Variants in ZNF324B observed in about 807,000 individuals in gnomAD.
The protein encoded by ZNF324B is zinc finger protein 324B.
Under a neutral mutation model 10.6 loss-of-function variants are expected in ZNF324B, and 7 were observed. The ratio of observed to expected loss-of-function variants is 0.66; its 90% confidence interval spans 0.38 to 1.24. ZNF324B has a LOEUF of 1.24. ZNF324B is among the 50% of genes most tolerant of loss of function. The pLI is 0.02. For missense variants in ZNF324B, 640 were observed against 764.7 expected (o/e 0.84, Z 1.92); for synonymous variants, 316 against 321.0 (o/e 0.98, Z 0.17).
At chr19:58,431,213 G>C in the ZNF324B span, 2 of 152,236 alleles carry the variant, frequency 1.3e-5, no homozygotes, top group African/African-American at 4.8e-5. Context: ...GGAGTACACT[G>C]CCTAACGTTC....
chr19:58,452,938 A>G (rs2052875117), intron 1 of ZNF324B, among the ~76,000 whole-genome samples: 1 of 151,882 alleles, frequency 6.6e-6, no homozygotes, highest in Non-Finnish European at 1.5e-5. Flanking sequence ...CTCTACTAAA[A>G]ATCCAAAAAA....
At chr19:58,442,651 T>A in the ZNF324B span, 1 of 150,586 alleles carries the variant, frequency 6.6e-6, no homozygotes, top group Admixed American at 6.6e-5. Flanking sequence ...TGTTCATTCC[T>A]CCTGGTGGGT....
At chr19:58,453,298 G>A in intron 1 of ZNF324B, 1 of 268,816 alleles carries the variant, frequency 3.7e-6, no homozygotes, top group South Asian at 3.8e-5. Context: ...CTCAGTGATG[G>A]GCATGCCTGG....
chr19:58,422,517 C>G, the ZNF324B span, among the ~76,000 whole-genome samples: 1 of 151,878 alleles, frequency 6.6e-6, no homozygotes, highest in Admixed American at 6.6e-5. Context: ...TAGACCCCAC[C>G]AAAAAAACTC....
chr19:58,429,764 G>GT, the ZNF324B span: 2 of 152,200 alleles, frequency 1.3e-5, no homozygotes, highest in African/African-American at 4.8e-5. Flanking sequence ...GAAAATGAAG[G>GT]TACTCAAAGC....
the ZNF324B span, chr19:58,433,673 T>C: frequency 1.2e-6 from 2 of 1,614,182 alleles, no homozygotes; most frequent in Non-Finnish European, 8.5e-7. Context: ...GTATGAACTT[T>C]CTGATGCTTA....
Position 58,454,293 on chromosome 19 carries a change from A to T in ZNF324B, c.187A>T (p.Ser63Cys), listed in dbSNP as rs12611254. 1 of 1,614,008 alleles carries T rather than the reference A, an allele frequency of 6.2e-7. No homozygotes were observed. Among genetic ancestry groups the T allele is most frequent in the African/African-American group, 1.3e-5 (1 of 74,904 alleles). Reference sequence around the variant, plus strand: ...GCGTGGCGAGGAGCCCTGGGTTCCCAGTGGAAAGGACATGACCCTGGCCAG... The same window carrying T: ...GCGTGGCGAGGAGCCCTGGGTTCCCTGTGGAAAGGACATGACCCTGGCCAG... ...LERGEEPWVPSGKDMTLARNT... is the reference protein window; with the variant it reads ...LERGEEPWVPCGKDMTLARNT... Residue 63 changes from serine (S) to cysteine (C), a missense_variant, in exon 3 of 4, where the codon AGT becomes TGT. Ser to Cys is a moderately radical substitution (Grantham distance 112). Transcript: ENST00000336614.
chr19:58,448,165 G>A (rs2052836035), upstream of ZNF324B, among the ~76,000 whole-genome samples: 1 of 152,220 alleles, frequency 6.6e-6, no homozygotes, highest in African/African-American at 2.4e-5. Flanking sequence ...TGGGTAACAG[G>A]CAGAGGTTGG....
chr19:58,418,695 GAAC>G, the ZNF324B span: 1 of 152,098 alleles, frequency 6.6e-6, no homozygotes. Context: ...TTGCAGACTT[GAAC>G]TACTGGACTC....
the ZNF324B span, chr19:58,440,139 A>C: frequency 2.5e-6 from 1 of 394,500 alleles, no homozygotes; most frequent in South Asian, 3.1e-5. Context: ...CCAGCAGCAA[A>C]ATGAGGACCG....
the ZNF324B span, among the ~76,000 whole-genome samples, chr19:58,421,045 T>C: frequency 6.0e-5 from 9 of 150,844 alleles, no homozygotes; most frequent in South Asian, 1.7e-3. Flanking sequence ...CTAAATGTTA[T>C]TCAGAATGGG....
the ZNF324B span, among the ~76,000 whole-genome samples, chr19:58,427,432 T>C: frequency 2.9e-5 from 1 of 33,928 alleles, no homozygotes; most frequent in African/African-American, 1.5e-4. Flanking sequence ...CCTTCCTTCC[T>C]TCCTTCCTTC....
chr19:58,434,737 A>C, the ZNF324B span: 1 of 1,614,182 alleles, frequency 6.2e-7, no homozygotes, highest in Non-Finnish European at 8.5e-7. Context: ...GCTGCACTCG[A>C]AGAGTTTCTG....
At chr19:58,424,184 G>C in the ZNF324B span, among the ~76,000 whole-genome samples, 1 of 152,106 alleles carries the variant, frequency 6.6e-6, no homozygotes, top group African/African-American at 2.4e-5. Flanking sequence ...AGGAGGCGGA[G>C]GTTGCAGTGA....
chr19:58,440,362 G>A, the ZNF324B span: 1 of 156,376 alleles, frequency 6.4e-6, no homozygotes, highest in Non-Finnish European at 1.4e-5. Flanking sequence ...GGACCCTCGC[G>A]GTGCCTCAGG....
At chr19:58,419,615 T>C in the ZNF324B span, among the ~76,000 whole-genome samples, 1 of 152,214 alleles carries the variant, frequency 6.6e-6, no homozygotes. Flanking sequence ...CTCTCTGGGC[T>C]GTTCACCTCT....
chr19:58,433,120 A>C, the ZNF324B span: 16 of 605,978 alleles, frequency 2.6e-5, no homozygotes, highest in Non-Finnish European at 2.8e-5. Context: ...GCAAGATGGA[A>C]AGTGACTATG....
At chr19:58,454,847 G>A in intron 3 of ZNF324B, 1 of 533,352 alleles carries the variant, frequency 1.9e-6, no homozygotes, top group Non-Finnish European at 3.4e-6. Flanking sequence ...CGGGGCACCA[G>A]GGGAGAAGGG....
chr19:58,428,222 C>T, the ZNF324B span, among the ~76,000 whole-genome samples: 1 of 152,236 alleles, frequency 6.6e-6, no homozygotes, highest in Non-Finnish European at 1.5e-5. Context: ...CAAAGATTCT[C>T]ATGTCAGAGG....
Sources: allele counts gnomAD v4.1 joint callset (sites outside exome capture counted in the v4.1 genomes callset), GRCh38; gene constraint gnomAD v4.1.1; transcripts MANE v1.5; gene names NCBI Gene and HGNC (gene_info 2026-07-23, HGNC 2026-07-21).